Variants in ZNG1A observed in about 807,000 individuals in gnomAD.
ZNG1A encodes the protein Zn regulated GTPase metalloprotein activator 1A.
At chr9:162,625 C>T in the ZNG1A span, among the ~76,000 whole-genome samples, 1 of 149,794 alleles carries the variant, frequency 6.7e-6, no homozygotes, top group African/African-American at 2.5e-5. Flanking sequence ...GCCAGTGCTG[C>T]CATTTAATTA....
At chr9:163,494 G>T in the ZNG1A span, among the ~76,000 whole-genome samples, 1 of 151,828 alleles carries the variant, frequency 6.6e-6, no homozygotes, top group African/African-American at 2.4e-5. Context: ...CCACTGTCTG[G>T]GGTTTTTTAA....
the ZNG1A span, among the ~76,000 whole-genome samples, chr9:162,967 A>G: frequency 6.6e-6 from 1 of 152,132 alleles, no homozygotes; most frequent in Admixed American, 6.5e-5. Context: ...TAAATGTTCT[A>G]CATAACATAT....
the ZNG1A span, chr9:166,714 G>A: frequency 6.6e-6 from 1 of 152,358 alleles, no homozygotes; most frequent in Non-Finnish European, 1.5e-5. Context: ...GAAACTTAGA[G>A]CCTATATAAC....
the ZNG1A span, chr9:147,336 AC>A: frequency 1.7e-5 from 2 of 115,612 alleles, no homozygotes; most frequent in Admixed American, 8.2e-5. Context: ...AGGAAAAAAA[AC>A]ATCATTGGTC....
chr9:123,958 A>G, the ZNG1A span, among the ~76,000 whole-genome samples: 15 of 152,152 alleles, frequency 9.9e-5, no homozygotes, highest in African/African-American at 3.4e-4. Context: ...AAAACTCAAA[A>G]CCAAAGTAAA....
the ZNG1A span, among the ~76,000 whole-genome samples, chr9:131,943 C>A: frequency 2.2e-4 from 30 of 137,030 alleles, 7 homozygotes; most frequent in African/African-American, 8.9e-4. Flanking sequence ...TACCAGACAC[C>A]TACTCATCTA....
chr9:165,230 C>T, the ZNG1A span, among the ~76,000 whole-genome samples: 5 of 151,964 alleles, frequency 3.3e-5, no homozygotes, highest in African/African-American at 1.2e-4. Context: ...TGTATCACTA[C>T]TCCAAACAAT....
At chr9:155,650 A>G in the ZNG1A span, among the ~76,000 whole-genome samples, 3 of 152,118 alleles carry the variant, frequency 2.0e-5, no homozygotes, top group Non-Finnish European at 4.4e-5. Flanking sequence ...GCTTTATCTC[A>G]AAGAATACAA....
chr9:159,396 A>G, the ZNG1A span, among the ~76,000 whole-genome samples: 1 of 151,604 alleles, frequency 6.6e-6, no homozygotes, highest in African/African-American at 2.4e-5. Flanking sequence ...ATTCTATTGT[A>G]TACTTGAATC....
chr9:171,429 G>A, the ZNG1A span, among the ~76,000 whole-genome samples: 2 of 152,000 alleles, frequency 1.3e-5, no homozygotes, highest in African/African-American at 4.8e-5. Flanking sequence ...AAGTTATTTG[G>A]GGAAAATAAG....
chr9:174,060 T>A, the ZNG1A span, among the ~76,000 whole-genome samples: 1 of 149,550 alleles, frequency 6.7e-6, no homozygotes, highest in Non-Finnish European at 1.5e-5. Context: ...GGCAGGAGAA[T>A]GGCGTGAACC....
At chr9:175,050 G>C in the ZNG1A span, among the ~76,000 whole-genome samples, 1 of 152,084 alleles carries the variant, frequency 6.6e-6, no homozygotes, top group Admixed American at 6.5e-5. Context: ...AGTTGCAATA[G>C]AGTCCATACA....
the ZNG1A span, among the ~76,000 whole-genome samples, chr9:163,701 G>C: frequency 6.6e-6 from 1 of 151,832 alleles, no homozygotes; most frequent in Non-Finnish European, 1.5e-5. Flanking sequence ...CGGATCACCT[G>C]AAGTCAGGGG....
chr9:143,677 G>C, the ZNG1A span, among the ~76,000 whole-genome samples: 2 of 123,358 alleles, frequency 1.6e-5, 1 homozygote, highest in Admixed American at 1.8e-4. Flanking sequence ...TCAACATAGT[G>C]TTGGAAGTTC....
chr9:170,383 G>A, the ZNG1A span, among the ~76,000 whole-genome samples: 112 of 148,202 alleles, frequency 7.6e-4, 3 homozygotes, highest in African/African-American at 2.9e-3. Flanking sequence ...GTGTGCGCAT[G>A]TGCATGTGCG....
At chr9:165,336 CAATA>C in the ZNG1A span, among the ~76,000 whole-genome samples, 8 of 150,118 alleles carry the variant, frequency 5.3e-5, no homozygotes, top group African/African-American at 2.0e-4. Context: ...ATTTTTATTC[CAATA>C]AATAGTTTAC....
At chr9:138,485 A>G in the ZNG1A span, among the ~76,000 whole-genome samples, 11 of 143,820 alleles carry the variant, frequency 7.6e-5, no homozygotes, top group African/African-American at 2.6e-4. Flanking sequence ...GTCCTACCTC[A>G]CAGGTTACTG....
the ZNG1A span, among the ~76,000 whole-genome samples, chr9:130,043 G>T: frequency 5.3e-5 from 8 of 151,234 alleles, no homozygotes; most frequent in Non-Finnish European, 1.5e-5. Flanking sequence ...ATAACGCAAT[G>T]GTAAGTATTT....
At chr9:177,755 C>T in the ZNG1A span, 4 of 1,537,348 alleles carry the variant, frequency 2.6e-6, no homozygotes, top group Non-Finnish European at 3.5e-6. Flanking sequence ...CCGAGCGGCA[C>T]GTTTGAAATA....
Sources: gnomAD v4.1 joint callset for allele counts (sites outside exome capture counted in the v4.1 genomes callset) on GRCh38, gnomAD v4.1.1 for gene constraint, MANE v1.5 for transcripts, NCBI Gene and HGNC (gene_info 2026-07-23, HGNC 2026-07-21) for gene names.